LRMDA: variants seen among roughly 807,000 people sequenced by gnomAD.
LRMDA encodes leucine rich melanocyte differentiation associated.
LRMDA carries 18 observed loss-of-function variants against 29.8 expected under a neutral mutation model. The observed-to-expected ratio is 0.60, with a 90% confidence interval of 0.42 to 0.90. The LOEUF (loss-of-function observed/expected upper bound fraction) is 0.90, where lower values mean the gene tolerates loss of function less well. Among genes scored for constraint, LRMDA ranks in the 40% least tolerant of loss-of-function variants. LRMDA has a pLI of 0.00. For missense variants in LRMDA, 273 were observed against 273.9 expected, an observed-to-expected ratio of 1.00 and a Z score of 0.02; for synonymous variants, 125 against 109.4, an observed-to-expected ratio of 1.14 and a Z score of -0.89.
chr10:76,142,420 T>A (rs968989252), intron 5 of LRMDA, among the ~76,000 whole-genome samples: 1 of 152,136 alleles, frequency 6.6e-6, no homozygotes, highest in Non-Finnish European at 1.5e-5. Flanking sequence ...ATTTCATTTT[T>A]AAAATATTTA....
intron 6 of LRMDA, among the ~76,000 whole-genome samples, chr10:76,423,040 G>A (rs1293349590): frequency 6.6e-6 from 1 of 152,220 alleles, no homozygotes; most frequent in Admixed American, 6.5e-5. Flanking sequence ...AGATGCAAAA[G>A]ACGTGAATGT....
At chr10:75,517,590 G>A (rs1845306493) in intron 2 of LRMDA, among the ~76,000 whole-genome samples, 1 of 152,156 alleles carries the variant, frequency 6.6e-6, no homozygotes, top group African/African-American at 2.4e-5. Flanking sequence ...TCAGCTTAAG[G>A]AGATTTGGGG....
At chr10:75,726,722 C>T (rs1414876491) in intron 2 of LRMDA, among the ~76,000 whole-genome samples, 4 of 152,196 alleles carry the variant, frequency 2.6e-5, no homozygotes, top group African/African-American at 4.8e-5. Context: ...TGCGGTTTCA[C>T]AGAATGCAAG....
At chr10:75,892,821 T>G (rs1166212717) in intron 2 of LRMDA, among the ~76,000 whole-genome samples, 2 of 152,120 alleles carry the variant, frequency 1.3e-5, no homozygotes, top group Non-Finnish European at 2.9e-5. Flanking sequence ...CTTTAAAACA[T>G]TCCTCATTTT....
chr10:76,497,258 G>T (rs1842884192), intron 6 of LRMDA, among the ~76,000 whole-genome samples: 1 of 73,364 alleles, frequency 1.4e-5, no homozygotes, highest in Non-Finnish European at 4.5e-5. Flanking sequence ...ATATATTTTA[G>T]GCAAGTAGAA....
At chr10:76,290,170 A>T (rs1178241105) in intron 5 of LRMDA, among the ~76,000 whole-genome samples, 1 of 152,116 alleles carries the variant, frequency 6.6e-6, no homozygotes, top group Non-Finnish European at 1.5e-5. Context: ...ATACTCCCAA[A>T]CTTTATTGTT....
chr10:75,581,323 C>T (rs1488980532), intron 2 of LRMDA, among the ~76,000 whole-genome samples: 5 of 152,168 alleles, frequency 3.3e-5, no homozygotes, highest in Non-Finnish European at 4.4e-5. Flanking sequence ...AAAAGCTCAT[C>T]ATCAATTGTC....
At chr10:76,527,233 C>T (rs1233282297) in intron 6 of LRMDA, among the ~76,000 whole-genome samples, 1 of 152,022 alleles carries the variant, frequency 6.6e-6, no homozygotes, top group Non-Finnish European at 1.5e-5. Flanking sequence ...GTGCTGTCTT[C>T]TGAGGGCACT....
intron 2 of LRMDA, chr10:75,451,848 AT>A (rs1844465833): frequency 6.7e-6 from 1 of 148,750 alleles, no homozygotes. Context: ...AGGAGTTATA[AT>A]TTTTTCTTCT....
At chr10:76,031,175 G>A (rs1848142372) in intron 2 of LRMDA, among the ~76,000 whole-genome samples, 1 of 152,228 alleles carries the variant, frequency 6.6e-6, no homozygotes, top group Non-Finnish European at 1.5e-5. Context: ...TTATGAAGAG[G>A]TCTGGGGGTG....
chr10:75,581,449 C>T (rs1840590047), intron 2 of LRMDA, among the ~76,000 whole-genome samples: 2 of 152,174 alleles, frequency 1.3e-5, no homozygotes, highest in South Asian at 4.1e-4. Flanking sequence ...GAAATAGGAA[C>T]ACTTTTACAC....
chr10:75,934,754 C>T (rs1335315223), intron 2 of LRMDA, among the ~76,000 whole-genome samples: 3 of 152,158 alleles, frequency 2.0e-5, no homozygotes, highest in Admixed American at 2.0e-4. Flanking sequence ...CCTGGCAACA[C>T]ATGCTGGTTT....
chr10:75,443,447 T>C (rs568050844), intron 2 of LRMDA, among the ~76,000 whole-genome samples: 2 of 152,350 alleles, frequency 1.3e-5, no homozygotes, highest in African/African-American at 4.8e-5. Flanking sequence ...TCTGTTAATA[T>C]GGTATCCTTT....
At chr10:75,943,650 T>G (rs1478667570) in intron 2 of LRMDA, among the ~76,000 whole-genome samples, 1 of 152,178 alleles carries the variant, frequency 6.6e-6, no homozygotes, top group African/African-American at 2.4e-5. Context: ...GATATTGACA[T>G]ATTAATCCAA....
At chr10:75,691,298 T>G (rs1379422850) in intron 2 of LRMDA, among the ~76,000 whole-genome samples, 2 of 150,884 alleles carry the variant, frequency 1.3e-5, no homozygotes, top group East Asian at 3.9e-4. Flanking sequence ...GGTCTTGTGC[T>G]GTTTTTTGTG....
intron 2 of LRMDA, among the ~76,000 whole-genome samples, chr10:75,476,336 G>A (rs925867760): frequency 3.3e-5 from 5 of 152,118 alleles, no homozygotes; most frequent in Admixed American, 6.6e-5. Context: ...TCCAGAGGAC[G>A]TGAGGCAGGG....
chr10:76,050,410 A>G (rs1219237826), intron 4 of LRMDA, among the ~76,000 whole-genome samples: 1 of 152,246 alleles, frequency 6.6e-6, no homozygotes, highest in Non-Finnish European at 1.5e-5. Flanking sequence ...GAGCATGAAC[A>G]TACAACCAAG....
chr10:76,519,336 T>C (rs1013605476), intron 6 of LRMDA, among the ~76,000 whole-genome samples: 4 of 152,146 alleles, frequency 2.6e-5, no homozygotes. Context: ...AACAAGGAGT[T>C]GAATGGAACT....
chr10:76,003,341 C>T (rs1847593045), intron 2 of LRMDA, among the ~76,000 whole-genome samples: 1 of 152,132 alleles, frequency 6.6e-6, no homozygotes, highest in South Asian at 2.1e-4. Flanking sequence ...AAGCCTAGAC[C>T]ACAGTGGAAG....
Sources: allele counts gnomAD v4.1 joint callset (sites outside exome capture counted in the v4.1 genomes callset), GRCh38; gene constraint gnomAD v4.1.1; transcripts MANE v1.5; gene names NCBI Gene and HGNC (gene_info 2026-07-23, HGNC 2026-07-21).